Variants in CSNK1G1 observed in about 807,000 individuals in gnomAD.
CSNK1G1 encodes casein kinase 1 gamma 1, also known as casein kinase I isoform gamma-1.
Under a neutral mutation model 59.6 loss-of-function variants are expected in CSNK1G1, and 22 were observed. The ratio of observed to expected loss-of-function variants is 0.37; its 90% CI spans 0.26 to 0.53. CSNK1G1 has a LOEUF of 0.53. Among genes scored for constraint, CSNK1G1 ranks in the 20% least tolerant of loss-of-function variants. The pLI, the probability that CSNK1G1 is intolerant of heterozygous loss-of-function variation, is 0.89. For missense variants in CSNK1G1, 384 were observed against 519.5 expected (o/e 0.74, Z 2.54); for synonymous variants, 179 against 177.1 (o/e 1.01, Z -0.08).
intron 2 of CSNK1G1, among the ~76,000 whole-genome samples, chr15:64,274,546 C>T (rs1363601599): frequency 6.6e-6 from 1 of 152,196 alleles, no homozygotes; most frequent in East Asian, 1.9e-4. Context: ...AAATCCACAA[C>T]GCTTCCCAAG....
rs979657849 is a variant in CSNK1G1, at chr15:64,166,215, T to C, written c.*5716A>G. ...CGCAATCAACATCCCAACATCTTTT[T>C]AAGAGTACAATGGGCAAAGATCAAA... On this transcript the variant is annotated 3_prime_UTR_variant, in exon 12 of 12. Coordinates refer to ENST00000303052, the MANE Select transcript of CSNK1G1 (RefSeq NM_022048.5). The surrounding 1 kb of genome is among the most constrained non-coding windows in gnomAD (Gnocchi z 4.5). 1 of 445,952 alleles carries C rather than the reference T, an allele frequency of 2.2e-6. No individual in the cohort carries two copies. Among genetic ancestry groups the C allele is most frequent in the Non-Finnish European group, 3.9e-6 (1 of 253,608 alleles). 27.6% of individuals were successfully genotyped at this position (445,952 alleles called of 1,614,324 possible). A position where few individuals can be genotyped will look rare whatever the true frequency, so the allele number is the denominator to read the frequency against.
intron 10 of CSNK1G1, chr15:64,189,475 A>C (rs1305997913): frequency 8.0e-7 from 1 of 1,246,536 alleles, no homozygotes; most frequent in Non-Finnish European, 1.0e-6. Context: ...TAACAGTCCT[A>C]AGGCTCTACA....
intron 10 of CSNK1G1, chr15:64,181,596 G>A: frequency 1.6e-6 from 1 of 636,956 alleles, no homozygotes; most frequent in South Asian, 2.3e-5. Flanking sequence ...AATAAGGGAA[G>A]CAGCATAGTG....
rs2081672899 is a variant in CSNK1G1 at position 64,171,988 on chromosome 15, G to A, written c.1215-3C>T. 6.2e-7 allele frequency: 1 copy of A among 1,613,750 alleles called. No individual in the cohort carries two copies. The highest frequency in any genetic ancestry group is 8.5e-7 in the Non-Finnish European group (1 of 1,179,806). ...TCCTCTTAAAGAAACAGCAGCACCTGGAGCACAAGGAACATTGCAAGTCAG... is the reference window on the plus strand; with the variant it reads ...TCCTCTTAAAGAAACAGCAGCACCTAGAGCACAAGGAACATTGCAAGTCAG... On this transcript the variant is annotated splice_polypyrimidine_tract_variant and splice_region_variant and intron_variant, in intron 11 of 11. Transcript: ENST00000303052. The surrounding 1 kb of genome is among the most constrained non-coding windows in gnomAD (Gnocchi z 4.8).
At chr15:64,333,601 G>A (rs1421630894) in intron 1 of CSNK1G1, among the ~76,000 whole-genome samples, 1 of 152,070 alleles carries the variant, frequency 6.6e-6, no homozygotes. Context: ...TATTAATGCT[G>A]AATGTAAATG....
intron 1 of CSNK1G1, among the ~76,000 whole-genome samples, chr15:64,308,390 T>G (rs886419145): frequency 1.3e-5 from 2 of 152,156 alleles, no homozygotes; most frequent in Non-Finnish European, 2.9e-5. Flanking sequence ...TGAGCTACCA[T>G]GCCCAGCCCC....
chr15:64,179,859 A>G (rs1249640063), intron 11 of CSNK1G1, among the ~76,000 whole-genome samples: 2 of 152,218 alleles, frequency 1.3e-5, no homozygotes, highest in African/African-American at 2.4e-5. Flanking sequence ...GATGCAGACT[A>G]TAATATTTTT....
chr15:64,352,590 C>T (rs1898374022), intron 1 of CSNK1G1, among the ~76,000 whole-genome samples: 1 of 149,570 alleles, frequency 6.7e-6, no homozygotes, highest in Non-Finnish European at 1.5e-5. Flanking sequence ...GGATTACAGG[C>T]ATGCTCCATC....
chr15:64,355,727 G>C (rs562509041), intron 1 of CSNK1G1, among the ~76,000 whole-genome samples: 145 of 152,140 alleles, frequency 9.5e-4, no homozygotes, highest in African/African-American at 3.4e-3. Flanking sequence ...GGTCCACACC[G>C]GCTAGAGTCA....
chr15:64,233,557 T>TGG (rs2082576038), intron 4 of CSNK1G1, among the ~76,000 whole-genome samples: 1 of 152,232 alleles, frequency 6.6e-6, no homozygotes, highest in Non-Finnish European at 1.5e-5. Context: ...GAATATCTCT[T>TGG]GCTTATATTT....
rs115037652 is a variant in CSNK1G1, at chr15:64,240,229, G to A, written c.292+11283C>T. ...AACCTGGGTGACAGAGTAAGACTCC[G>A]TCTCAACAAACTAAACAAAACAAAA... is the stretch of plus-strand genomic sequence containing the variant. On this transcript the variant is annotated intron_variant, in intron 4 of 11. Transcript: ENST00000303052. Among the ~76,000 whole-genome samples, 1,038 of 152,224 alleles carry A rather than the reference G, an allele frequency of 6.8e-3. 16 individuals are homozygous for A. Among genetic ancestry groups the A allele is most frequent in the African/African-American group, 0.023 (956 of 41,536 alleles).
intron 4 of CSNK1G1, among the ~76,000 whole-genome samples, chr15:64,233,920 A>C (rs2082581457): frequency 6.6e-6 from 1 of 152,194 alleles, no homozygotes; most frequent in Admixed American, 6.5e-5. Context: ...CACTGGACTT[A>C]AGCTACAACA....
chr15:64,355,749 G>A (rs1398098210), intron 1 of CSNK1G1, among the ~76,000 whole-genome samples: 1 of 152,168 alleles, frequency 6.6e-6, no homozygotes, highest in African/African-American at 2.4e-5. Context: ...TTTCTCGGAA[G>A]GGGCGCCTCC....
chr15:64,208,949 A>G (rs1263873978), intron 6 of CSNK1G1, among the ~76,000 whole-genome samples: 7 of 149,672 alleles, frequency 4.7e-5, no homozygotes, highest in African/African-American at 1.5e-4. Context: ...GTACAGTAGC[A>G]TGTTCTTGGA....
At chr15:64,189,305 T>C (rs2140225331) in intron 10 of CSNK1G1, 3 of 1,043,276 alleles carry the variant, frequency 2.9e-6, no homozygotes, top group Non-Finnish European at 2.3e-6. Flanking sequence ...TGGATTCTGC[T>C]TTCACCTTAG....
chr15:64,183,561 T>G (rs986164706), intron 10 of CSNK1G1, among the ~76,000 whole-genome samples: 1 of 152,190 alleles, frequency 6.6e-6, no homozygotes, highest in Non-Finnish European at 1.5e-5. Context: ...TAACATCCTC[T>G]GTGAGCCCTA....
intron 2 of CSNK1G1, among the ~76,000 whole-genome samples, chr15:64,296,997 A>C (rs1368490250): frequency 5.5e-5 from 6 of 108,624 alleles, no homozygotes; most frequent in Admixed American, 3.8e-4. Context: ...ATCTACCACC[A>C]CCCCCACATA....
At chr15:64,174,803 C>T (rs752032048) in intron 11 of CSNK1G1, among the ~76,000 whole-genome samples, 5 of 152,156 alleles carry the variant, frequency 3.3e-5, no homozygotes, top group Non-Finnish European at 7.3e-5. Context: ...GTACATTCTT[C>T]CTTTCTTCTA....
chr15:64,257,562 AGG>A (rs1892449131), intron 3 of CSNK1G1, among the ~76,000 whole-genome samples: 2 of 152,214 alleles, frequency 1.3e-5, no homozygotes, highest in South Asian at 4.1e-4. Context: ...TCTGTCACCC[AGG>A]CTGAGTGCAG....
Sources: gnomAD v4.1 joint callset for allele counts (sites outside exome capture counted in the v4.1 genomes callset) on GRCh38, gnomAD v4.1.1 for gene constraint, Gnocchi (gnomAD v3.1) non-coding constraint, MANE v1.5 for transcripts, NCBI Gene and HGNC (gene_info 2026-07-23, HGNC 2026-07-21) for gene names.